Variants in SLC43A2 observed in about 807,000 individuals in gnomAD.
The protein encoded by SLC43A2 is large neutral amino acids transporter small subunit 4.
Under a neutral mutation model 63.2 loss-of-function variants are expected in SLC43A2, and 38 were observed. That is an observed-to-expected ratio of 0.60 (90% CI 0.46 to 0.79). The LOEUF is 0.79. Ranked by LOEUF, SLC43A2 falls within the 30% of genes least tolerant of loss-of-function variation. The pLI is 0.00. For missense variants in SLC43A2, 644 were observed against 756.2 expected (o/e 0.85, Z 1.74); for synonymous variants, 322 against 331.0 (o/e 0.97, Z 0.30).
rs149235737 is a variant in SLC43A2 at position 1,616,722 on chromosome 17, C to G, written c.208G>C (p.Glu70Gln). Residue 70 changes from glutamate to glutamine, a missense_variant, in exon 3 of 14, where the codon GAG becomes CAG. Glu to Gln is a conservative substitution (Grantham distance 29). This residue lies in a region of SLC43A2 where 528 missense variants were observed against 623.6 expected (regional missense o/e 0.85). Transcript: ENST00000301335. ...CAGCCGTTCATCCAGCTCACCTCCT[C>G]GTGCCCCGGCTCTGCTGTGCCGCCC... ...TVGGTAEPGHEEVSWMNGWLS... is the reference protein window; with the variant it reads ...TVGGTAEPGHQEVSWMNGWLS... 6.8e-6 allele frequency: 11 copies of G among 1,614,116 alleles called. No homozygotes were observed. The highest frequency in any genetic ancestry group is 9.3e-6 in the Non-Finnish European group (11 of 1,180,042).
chr17:1,598,281 C>T (rs758421080), intron 5 of SLC43A2, among the ~76,000 whole-genome samples: 5 of 152,102 alleles, frequency 3.3e-5, no homozygotes, highest in East Asian at 1.9e-4. Flanking sequence ...ATTAGCTGGG[C>T]GTGGTGGTGG....
At chr17:1,589,667 T>A (rs1186226250) in intron 9 of SLC43A2, among the ~76,000 whole-genome samples, 6 of 152,246 alleles carry the variant, frequency 3.9e-5, no homozygotes, top group African/African-American at 1.4e-4. Flanking sequence ...TCGCCCAGGC[T>A]GGAGTGCAGT....
chr17:1,613,419 T>C (rs1054436929), intron 4 of SLC43A2, 148 bp from the exon 5 acceptor site: 2 of 654,136 alleles, frequency 3.1e-6, no homozygotes, highest in Admixed American at 5.5e-5. Context: ...GGAGTGGAAC[T>C]GCCCCTTTCT....
rs147768866 is a variant in SLC43A2, at chr17:1,594,788, C to T, written c.502-1509G>A. Among the ~76,000 whole-genome samples the T allele has an allele frequency of 4.8e-3, 726 of 151,754 alleles. 16 individuals carry two copies. Among genetic ancestry groups the T allele is most frequent in the African/African-American group, 0.016 (677 of 41,306 alleles). Reference sequence around the variant, plus strand: ...TATTTTCAGTAGAGACGGGGTTTCACCACGTTAGCCAGGATGGTCTGGATC... The same window carrying T: ...TATTTTCAGTAGAGACGGGGTTTCATCACGTTAGCCAGGATGGTCTGGATC... On this transcript the variant is annotated intron_variant, in intron 5 of 13. Transcript: ENST00000301335.
intron 5 of SLC43A2, among the ~76,000 whole-genome samples, chr17:1,608,310 G>A (rs1348300351): frequency 1.3e-5 from 2 of 152,118 alleles, no homozygotes; most frequent in African/African-American, 2.4e-5. Context: ...TCTCTTGCCT[G>A]GTCACTCTCT....
At chr17:1,586,155 GT>G in intron 9 of SLC43A2, 104 bp from the exon 10 acceptor site, 1 of 1,450,236 alleles carries the variant, frequency 6.9e-7, no homozygotes, top group Non-Finnish European at 9.1e-7. Flanking sequence ...CTCTTCTGGG[GT>G]CTGCCCCAGA....
At chr17:1,619,087 C>G (rs774463792) in intron 2 of SLC43A2, among the ~76,000 whole-genome samples, 19 of 151,926 alleles carry the variant, frequency 1.3e-4, no homozygotes, top group Non-Finnish European at 1.8e-4. Context: ...GGTGGATCAC[C>G]TAAGGCCAGG....
At chr17:1,575,786 C>A in intron 13 of SLC43A2, 21 bp from the exon 14 acceptor site, 1 of 1,596,952 alleles carries the variant, frequency 6.3e-7, no homozygotes, top group Non-Finnish European at 8.5e-7. Context: ...AGGGAGGCCG[C>A]GCATCACAGG....
In SLC43A2 at chr17:1,606,017, A is replaced by G. The variant is rs1291071201; in HGVS notation, c.501+7178T>C. Among the ~76,000 whole-genome samples, 1 of 152,102 alleles carries G rather than the reference A, an allele frequency of 6.6e-6. No homozygotes were observed. The highest frequency in any genetic ancestry group is 1.5e-5 in the Non-Finnish European group (1 of 67,994). ...TCAGATGGCAAATTCTCCCCAAACC[A>G]ATGGCAAGTAGCTGACTGCCTGAGC... On this transcript the variant is annotated intron_variant, in intron 5 of 13. Transcript: ENST00000301335. This position sits in a 1 kb window ranked among gnomAD's most constrained non-coding sequence, Gnocchi z 4.7.
chr17:1,604,518 C>T (rs767165649), intron 5 of SLC43A2: 94 of 584,408 alleles, frequency 1.6e-4, no homozygotes, highest in Non-Finnish European at 2.4e-4. Context: ...CCTGGGGGTC[C>T]CTCACCCCCC....
chr17:1,607,246 C>T (rs1906705788), intron 5 of SLC43A2, among the ~76,000 whole-genome samples: 1 of 152,156 alleles, frequency 6.6e-6, no homozygotes, highest in Admixed American at 6.5e-5. Flanking sequence ...CTCCTTTGTC[C>T]CCCAAATTAG....
intron 9 of SLC43A2, chr17:1,586,928 T>TGGCCCCCCCCCCCCCCCC: frequency 4.9e-6 from 6 of 1,232,902 alleles, no homozygotes; most frequent in Non-Finnish European, 6.7e-6. Flanking sequence ...TCCCTGACAA[T>TGGCCCCCCCCCCCCCCCC]CCCCCCCACC....
chr17:1,584,606 G>A (rs373082660), intron 10 of SLC43A2, among the ~76,000 whole-genome samples: 2 of 152,244 alleles, frequency 1.3e-5, no homozygotes, highest in East Asian at 3.9e-4. Context: ...AAGATCAGGA[G>A]ATCAAGACCA....
At position 1,606,927 on chromosome 17, in the gene SLC43A2, A is replaced by G. The variant is rs1157508537; in HGVS notation, c.501+6268T>C. ...CTCCACTTGGGAGGGAAATACCACCATGGGTGCCGACCTCTTGGGCTCTGG... is the reference window on the plus strand; with the variant it reads ...CTCCACTTGGGAGGGAAATACCACCGTGGGTGCCGACCTCTTGGGCTCTGG... On this transcript the variant is annotated intron_variant, in intron 5 of 13. Transcript: ENST00000301335. The surrounding 1 kb of genome is among the most constrained non-coding windows in gnomAD (Gnocchi z 4.7). Among the ~76,000 whole-genome samples the G allele has an allele frequency of 6.6e-6, 1 of 152,108 alleles. No individual in the cohort carries two copies. The highest frequency in any genetic ancestry group is 1.5e-5 in the Non-Finnish European group (1 of 67,992).
chr17:1,607,969 G>C (rs779901129), intron 5 of SLC43A2, among the ~76,000 whole-genome samples: 10 of 152,130 alleles, frequency 6.6e-5, no homozygotes, highest in Non-Finnish European at 1.5e-4. Context: ...ACCCGCCTCA[G>C]CCTCCCAAAG....
rs76568554 is a variant in SLC43A2, at chr17:1,573,768, C to T, written c.*1836G>A. The T allele has an allele frequency of 0.049, 7,490 of 152,152 alleles. 239 individuals carry two copies. The highest frequency in any genetic ancestry group is 0.1 in the East Asian group (524 of 5,176). The allele number at this position is 152,152 out of a possible 1,614,324, so 9.4% of individuals were successfully genotyped here. A position where few individuals can be genotyped will look rare whatever the true frequency, so the allele number is the denominator to read the frequency against. On this transcript the variant is annotated 3_prime_UTR_variant, in exon 14 of 14. Transcript: ENST00000301335. Reference sequence around the variant, plus strand: ...CCGAGTAGTTGGGATTACAGGCGCACGCCACCACGCCCGATTAATGTTTAT... The same window carrying T: ...CCGAGTAGTTGGGATTACAGGCGCATGCCACCACGCCCGATTAATGTTTAT...
Position 1,593,208 on chromosome 17 carries a change from T to G in SLC43A2, c.573A>C (p.Ala191=), listed in dbSNP as rs770357368. Residue 191 remains alanine, a synonymous_variant, in exon 6 of 14, where the codon GCA becomes GCC. Coordinates refer to ENST00000301335, the MANE Select transcript of SLC43A2 (RefSeq NM_152346.3). This position sits in a 1 kb window ranked among gnomAD's most constrained non-coding sequence, Gnocchi z 5.3. ...TCACCTTGATTCCTGGAAAGGTGACTGCCGAGGAGGCGTAGGACCCAATCA... is the reference window on the plus strand; with the variant it reads ...TCACCTTGATTCCTGGAAAGGTGACGGCCGAGGAGGCGTAGGACCCAATCA... ...ALMIGSYASS[A]VTFPGIKLIY... is the part of the protein sequence containing the mutation. 2 of 1,614,008 alleles carry G rather than the reference T, an allele frequency of 1.2e-6. No homozygotes were observed. Among genetic ancestry groups the G allele is most frequent in the African/African-American group, 2.7e-5 (2 of 75,040 alleles).
At chr17:1,627,436 G>A (rs1416679720) in intron 2 of SLC43A2, among the ~76,000 whole-genome samples, 2 of 152,190 alleles carry the variant, frequency 1.3e-5, no homozygotes, top group Non-Finnish European at 2.9e-5. Context: ...GCGGGTGGAA[G>A]GAACACCCTG....
chr17:1,603,868 T>C (rs575810720), intron 5 of SLC43A2, among the ~76,000 whole-genome samples: 7 of 152,230 alleles, frequency 4.6e-5, no homozygotes, highest in Middle Eastern at 3.4e-3. Flanking sequence ...AATGGTCAGA[T>C]TGGGGATTCA....
Sources: allele counts gnomAD v4.1 joint callset (sites outside exome capture counted in the v4.1 genomes callset), GRCh38; gene constraint gnomAD v4.1.1; regional missense constraint gnomAD v4.1.1; non-coding constraint Gnocchi (gnomAD v3.1); transcripts MANE v1.5; gene names NCBI Gene and HGNC (gene_info 2026-07-23, HGNC 2026-07-21).